CFAP99: variants seen among roughly 807,000 people sequenced by gnomAD.
The protein encoded by CFAP99 is cilia and flagella associated protein 99.
A neutral mutation model predicts 82.7 loss-of-function variants in CFAP99; 84 were observed. The ratio of observed to expected loss-of-function variants is 1.02; its 90% CI spans 0.85 to 1.22. The LOEUF (loss-of-function observed/expected upper bound fraction) is 1.22. Ranked by LOEUF, CFAP99 falls within the 50% of genes most tolerant of loss-of-function variation. The pLI is 0.00. For missense variants in CFAP99, 1,059 were observed against 983.5 expected, an observed-to-expected ratio of 1.08 and a Z score of -1.03; for synonymous variants, 456 against 429.5, an observed-to-expected ratio of 1.06 and a Z score of -0.76.
chr4:2,424,087 C>CT (rs1733636183), intron 1 of CFAP99, among the ~76,000 whole-genome samples: 1 of 152,258 alleles, frequency 6.6e-6, no homozygotes, highest in South Asian at 2.1e-4. Context: ...CTGCTGGCCT[C>CT]TGTGTCCATG....
chr4:2,420,402 TCA>T (rs1212208306), intron 1 of CFAP99, among the ~76,000 whole-genome samples: 1 of 152,134 alleles, frequency 6.6e-6, no homozygotes. Context: ...AACCACACTC[TCA>T]GTCTTCCCCC....
chr4:2,440,783 A>G (rs1389698768), intron 4 of CFAP99, among the ~76,000 whole-genome samples: 1 of 151,500 alleles, frequency 6.6e-6, no homozygotes, highest in African/African-American at 2.4e-5. Flanking sequence ...TTTAGTAGAG[A>G]CAGGGTTTCA....
rs547248139 is a variant in CFAP99, at chr4:2,462,540, G to A, written c.1759G>A (p.Glu587Lys). 6.8e-6 allele frequency: 10 copies of A among 1,469,054 alleles called. No individual in the cohort carries two copies. The highest frequency in any genetic ancestry group is 8.9e-6 in the Non-Finnish European group (10 of 1,117,904). The allele number at this position is 1,469,054 out of a possible 1,614,324, so 91.0% of individuals were successfully genotyped here. A position where few individuals can be genotyped will look rare whatever the true frequency, so the allele number is the denominator to read the frequency against. The change falls in exon 15 of 15, where the codon GAG becomes AAG. Residue 587 changes from glutamate to lysine, a missense_variant. Coordinates refer to ENST00000635017, the Ensembl canonical transcript of CFAP99. The surrounding 1 kb of genome is among the most constrained non-coding windows in gnomAD (Gnocchi z 4.1). ...GCGCAGGATCTCGGAGAGGGCGGCC[G>A]AGCGCAGCAGGCAGGCGGCCTTGCT...
chr4:2,419,664 G>A, intron 1 of CFAP99, among the ~76,000 whole-genome samples: 1 of 152,186 alleles, frequency 6.6e-6, no homozygotes, highest in East Asian at 1.9e-4. Flanking sequence ...ACTGGCCAGT[G>A]CCAGGTGCTC....
Position 2,428,374 on chromosome 4 carries a change from A to T in CFAP99, c.111+1788A>T, listed in dbSNP as rs576225659. The T allele has an allele frequency of 2.0e-5, 3 of 152,338 alleles. No homozygotes were observed. In the East Asian group the frequency reaches 5.8e-4, roughly 29 times the overall value. The allele number at this position is 152,338 out of a possible 1,614,324, so 9.4% of individuals were successfully genotyped here. On this transcript the variant is annotated intron_variant, in intron 2 of 14. Transcript: ENST00000635017. ...TTTCCCGTCAGCCACCCGTGCTGCT[A>T]CGTCTCTCACCCTAAAAACATTTTT...
chr4:2,458,767 G>A (rs1013684711), exon 12 of CFAP99: 1 of 1,535,830 alleles, frequency 6.5e-7, no homozygotes, highest in African/African-American at 1.4e-5. Flanking sequence ...GGCTCCGGGA[G>A]GACAGGTCCA....
intron 14 of CFAP99, 45 bp downstream of exon 14, chr4:2,460,287 CAT>C: frequency 8.6e-6 from 13 of 1,509,096 alleles, no homozygotes; most frequent in Non-Finnish European, 1.2e-5. Flanking sequence ...GGACAGGGAG[CAT>C]GCTGTAAGCC....
chr4:2,432,422 C>T (rs1271700745), intron 2 of CFAP99, among the ~76,000 whole-genome samples: 1 of 152,234 alleles, frequency 6.6e-6, no homozygotes, highest in Non-Finnish European at 1.5e-5. Flanking sequence ...GGACGGCATT[C>T]TTTCTGTTAA....
intron 3 of CFAP99, among the ~76,000 whole-genome samples, chr4:2,437,260 C>G (rs1641624946): frequency 6.6e-6 from 1 of 152,230 alleles, no homozygotes; most frequent in Non-Finnish European, 1.5e-5. Flanking sequence ...TTTAGGGCAT[C>G]CAGCTCCCAA....
chr4:2,461,131 A>G (rs1734612093), intron 14 of CFAP99, among the ~76,000 whole-genome samples: 1 of 152,184 alleles, frequency 6.6e-6, no homozygotes, highest in African/African-American at 2.4e-5. Flanking sequence ...ACACACATAC[A>G]GATGCCTTTT....
Position 2,424,126 on chromosome 4 carries a change from C to T in CFAP99, c.-17-2333C>T, listed in dbSNP as rs562445169. Among the ~76,000 whole-genome samples, 16 of 152,330 alleles carry T rather than the reference C, an allele frequency of 1.1e-4. No homozygotes were observed. In the South Asian group the frequency reaches 3.3e-3, roughly 32 times the overall value. On this transcript the variant is annotated intron_variant, in intron 1 of 14. Coordinates refer to ENST00000635017, the Ensembl canonical transcript of CFAP99. Reference sequence around the variant, plus strand: ...AGCCAGGCTGGTCCCTAAAGCAGCCCCTAAAAGGACAGCCTGGCGTGGTGG... The same window carrying T: ...AGCCAGGCTGGTCCCTAAAGCAGCCTCTAAAAGGACAGCCTGGCGTGGTGG...
intron 1 of CFAP99, among the ~76,000 whole-genome samples, chr4:2,421,449 G>A (rs974657919): frequency 7.2e-6 from 1 of 138,486 alleles, no homozygotes; most frequent in South Asian, 2.4e-4. Flanking sequence ...CTGCCTCCCG[G>A]GTTCAAGCAA....
intron 11 of CFAP99, among the ~76,000 whole-genome samples, chr4:2,454,567 T>C (rs558762658): frequency 5.5e-4 from 83 of 151,554 alleles, no homozygotes; most frequent in Non-Finnish European, 1.8e-4. Flanking sequence ...TTTTCTTTTT[T>C]TGTTGTTTTT....
rs142526896 is a variant in CFAP99, at chr4:2,459,207, C to A, written c.1404C>A (p.Arg468=). 9.1e-6 allele frequency: 14 copies of A among 1,535,602 alleles called. No individual in the cohort carries two copies. In the African/African-American group the frequency reaches 1.5e-4, roughly 17 times the overall value. The stretch of plus-strand genomic sequence containing the variant: ...GTTGTGAACTCATCTCCCAGCTGCG[C>A]GCACTCGAGACACAGCCCACGCGCA... The change falls in exon 13 of 15, where the codon CGC becomes CGA. Residue 468 remains arginine, a synonymous_variant. Coordinates refer to ENST00000635017, the Ensembl canonical transcript of CFAP99.
At chr4:2,437,160 C>T (rs1415975649) in intron 3 of CFAP99, 142 bp downstream of exon 3, 7 of 1,017,782 alleles carry the variant, frequency 6.9e-6, no homozygotes, top group African/African-American at 1.6e-5. Flanking sequence ...CCCGGCTCCT[C>T]ACCTCACTTG....
chr4:2,460,402 T>C (rs2108737932), intron 14 of CFAP99, among the ~76,000 whole-genome samples, 160 bp downstream of exon 14: 1 of 152,244 alleles, frequency 6.6e-6, no homozygotes, highest in East Asian at 1.9e-4. Flanking sequence ...TTGTAGTAGG[T>C]GACTTCCAGG....
At chr4:2,440,983 A>G (rs976980914) in intron 4 of CFAP99, among the ~76,000 whole-genome samples, 3 of 151,752 alleles carry the variant, frequency 2.0e-5, no homozygotes, top group African/African-American at 7.3e-5. Context: ...ACTTGAGCCC[A>G]GGAGTTTGAG....
chr4:2,445,290 C>G, exon 6 of CFAP99: 2 of 1,363,368 alleles, frequency 1.5e-6, no homozygotes, highest in Middle Eastern at 1.9e-4. Context: ...CAGTCCCGGT[C>G]GTGGCCAAGC....
chr4:2,436,849 C>G, intron 2 of CFAP99, 25 bp from the exon 3 acceptor site: 1 of 1,534,876 alleles, frequency 6.5e-7, no homozygotes, highest in Non-Finnish European at 8.7e-7. Flanking sequence ...CAGCCAGGGC[C>G]CCCCACCGGC....
Sources: gnomAD v4.1 joint callset for allele counts (sites outside exome capture counted in the v4.1 genomes callset) on GRCh38, gnomAD v4.1.1 for gene constraint, Gnocchi (gnomAD v3.1) non-coding constraint, MANE v1.5 for transcripts, NCBI Gene and HGNC (gene_info 2026-07-23, HGNC 2026-07-21) for gene names.